POC1A: variants seen among roughly 807,000 people sequenced by gnomAD.
POC1A encodes the protein POC1 centriolar protein homolog A.
In POC1A, 34 loss-of-function variants were observed where a neutral mutation model predicts 47.8. The ratio of observed to expected loss-of-function variants is 0.71; its 90% CI spans 0.54 to 0.95. POC1A has a LOEUF of 0.95. Ranked by LOEUF, POC1A falls within the 40% of genes least tolerant of loss-of-function variation. The pLI, the probability that POC1A is intolerant of heterozygous loss-of-function variation, is 0.00. For missense variants in POC1A, 466 were observed against 528.3 expected (o/e 0.88, Z 1.16); for synonymous variants, 177 against 207.6 (o/e 0.85, Z 1.27).
chr3:52,096,758 A>G (rs1559817158), intron 9 of POC1A, 46 bp from the exon 10 acceptor site: 1 of 1,490,000 alleles, frequency 6.7e-7, no homozygotes, highest in Non-Finnish European at 8.9e-7. Context: ...CAGTGCTTGA[A>G]GAAATACTGT....
chr3:52,148,073 T>C (rs984638415), intron 4 of POC1A, among the ~76,000 whole-genome samples: 1 of 152,252 alleles, frequency 6.6e-6, no homozygotes, highest in Non-Finnish European at 1.5e-5. Context: ...TGCAGCCGAC[T>C]GCCTGCCGGC....
chr3:52,148,822 C>T (rs923488715), intron 4 of POC1A, among the ~76,000 whole-genome samples: 1 of 152,216 alleles, frequency 6.6e-6, no homozygotes, highest in Admixed American at 6.5e-5. Context: ...TCCTCATCTG[C>T]AAAATGGAAA....
chr3:52,141,326 C>G (rs181622057), intron 6 of POC1A, among the ~76,000 whole-genome samples: 1 of 152,360 alleles, frequency 6.6e-6, no homozygotes, highest in East Asian at 1.9e-4. Context: ...AGCCTGGGTG[C>G]CCAAGCAGGA....
At position 52,146,945 on chromosome 3, in the gene POC1A, T is replaced by C. The variant is rs377655408; in HGVS notation, c.563+43A>G. 8 of 1,512,226 alleles carry C rather than the reference T, an allele frequency of 5.3e-6. No individual in the cohort carries two copies. In the African/African-American group the frequency reaches 6.9e-5, roughly 13 times the overall value. The allele number at this position is 1,512,226 out of a possible 1,614,324, so 93.7% of individuals were successfully genotyped here. On this transcript the variant is annotated intron_variant, in intron 5 of 10. Transcript: ENST00000296484. ...TCCTCATGCCCAGGTCTGTGCTCTG[T>C]GCTTGAGCGCCTACAGGTGGAGGAC...
intron 7 of POC1A, among the ~76,000 whole-genome samples, chr3:52,129,384 T>C (rs1704128187): frequency 6.6e-6 from 1 of 152,258 alleles, no homozygotes; most frequent in Non-Finnish European, 1.5e-5. Flanking sequence ...GAGACTGTTC[T>C]ACCCTCATGA....
chr3:52,145,851 T>C lies in POC1A; in HGVS notation c.674A>G (p.Tyr225Cys), dbSNP rs1698344044. ...DVRTHRLLQH[Y>C]QLHSAAVNGL... ...GGAGGCTGTTCACCACTCACACTGA[T>C]AATGCTGCAGCAGCCGGTGAGTCCG... Residue 225 changes from tyrosine (Y) to cysteine (C), a missense_variant, in exon 6 of 11, where the codon TAT (tyrosine) becomes TGT (cysteine). Physicochemically the swap from Tyr to Cys is radical, Grantham distance 194. Transcript: ENST00000296484. 6.2e-7 allele frequency: 1 copy of C among 1,610,736 alleles called. No homozygotes were observed. Among genetic ancestry groups the C allele is most frequent in the Non-Finnish European group, 8.5e-7 (1 of 1,177,272 alleles).
chr3:52,135,996 G>T (rs915224875), intron 7 of POC1A, among the ~76,000 whole-genome samples: 2 of 152,120 alleles, frequency 1.3e-5, no homozygotes, highest in African/African-American at 4.8e-5. Context: ...GAGAGAATCA[G>T]CCTCTAGAAA....
At chr3:52,120,496 G>A (rs1484845597) in intron 9 of POC1A, among the ~76,000 whole-genome samples, 1 of 152,220 alleles carries the variant, frequency 6.6e-6, no homozygotes, top group African/African-American at 2.4e-5. Context: ...AAGTCACTTG[G>A]TGGGGGTCTC....
rs1339271482 is a variant in POC1A at position 52,125,044 on chromosome 3, GT to G, written c.882+68del. ...ACCCAGCCCATCCCCCAAACACCCT[GT>G]TTGGTTCTGAGCAGAAATCAGCTCA... On this transcript the variant is annotated intron_variant, in intron 8 of 10. Transcript: ENST00000296484. The G allele has an allele frequency of 5.1e-5, 65 of 1,272,596 alleles. 1 individual carries two copies. In the South Asian group the frequency reaches 7.3e-4, roughly 14 times the overall value. The allele number at this position is 1,272,596 out of a possible 1,614,324, so 78.8% of individuals were successfully genotyped here. A position where few individuals can be genotyped will look rare whatever the true frequency, so the allele number is the denominator to read the frequency against.
intron 6 of POC1A, among the ~76,000 whole-genome samples, chr3:52,138,779 C>G (rs1698079617): frequency 6.6e-6 from 1 of 152,196 alleles, no homozygotes; most frequent in South Asian, 2.1e-4. Flanking sequence ...AGCTAAGACA[C>G]TCTTAGGAAG....
At position 52,125,175 on chromosome 3, in the gene POC1A, C is replaced by G; in HGVS notation, c.820G>C (p.Ala274Pro). The change falls in exon 8 of 11, where the codon GCC becomes CCC. Residue 274 changes from alanine (A) to proline (P), a missense_variant. Transcript: ENST00000296484. Reference protein sequence around the residue: ...LYTLHGHQGPATTVAFSRTGE... With the variant: ...LYTLHGHQGPPTTVAFSRTGE... ...GTTCTTGAAAAGGCAACAGTGGTGG[C>G]TGGTCCCTGGCAGAACAAACAAAAA... The G allele has an allele frequency of 3.7e-6, 6 of 1,613,640 alleles. No individual in the cohort carries two copies. Among genetic ancestry groups the G allele is most frequent in the Non-Finnish European group, 5.1e-6 (6 of 1,179,572 alleles).
chr3:52,146,249 C>A (rs1698360744), intron 5 of POC1A, among the ~76,000 whole-genome samples: 1 of 152,250 alleles, frequency 6.6e-6, no homozygotes, highest in African/African-American at 2.4e-5. Flanking sequence ...CAAAAGTTAG[C>A]CAGGCTCCCC....
chr3:52,124,427 G>A lies in POC1A; in HGVS notation c.882+686C>T, dbSNP rs1412663141. ...CCAGGGCTGACAGGCTGAAGCCTCA[G>A]AGCAGAGGGTGACAAGGTGGGATAG... On this transcript the variant is annotated intron_variant, in intron 8 of 10. Coordinates refer to ENST00000296484, the MANE Select transcript of POC1A (RefSeq NM_015426.5). 3.9e-5 allele frequency among the ~76,000 whole-genome samples: 6 copies of A among 152,198 alleles called. 1 individual carries two copies. Among genetic ancestry groups the A allele is most frequent in the Admixed American group, 1.3e-4 (2 of 15,286 alleles).
intron 9 of POC1A, among the ~76,000 whole-genome samples, chr3:52,116,802 A>T (rs1283351761): frequency 6.6e-6 from 1 of 152,098 alleles, no homozygotes; most frequent in Non-Finnish European, 1.5e-5. Context: ...TATAATCCCA[A>T]TGCTTTGGGA....
At chr3:52,138,422 T>C in intron 6 of POC1A, 120 bp from the exon 7 acceptor site, 1 of 1,010,854 alleles carries the variant, frequency 9.9e-7, no homozygotes, top group Non-Finnish European at 1.5e-6. Context: ...TGGGTCAGGA[T>C]GGTCATTGCT....
At chr3:52,150,552 G>A (rs933864616) in intron 2 of POC1A, among the ~76,000 whole-genome samples, 3 of 152,156 alleles carry the variant, frequency 2.0e-5, no homozygotes, top group Admixed American at 6.6e-5. Flanking sequence ...AAGGAAGGGG[G>A]ACAGTCAGCT....
chr3:52,114,327 C>T (rs1366884213), intron 9 of POC1A, among the ~76,000 whole-genome samples: 3 of 152,172 alleles, frequency 2.0e-5, no homozygotes, highest in South Asian at 2.1e-4. Flanking sequence ...CCATGTAAAC[C>T]GGAGACGCCC....
chr3:52,129,578 G>A (rs924046778), intron 7 of POC1A, among the ~76,000 whole-genome samples: 2 of 152,300 alleles, frequency 1.3e-5, no homozygotes, highest in South Asian at 2.1e-4. Context: ...ATGCCGGCCT[G>A]CCCCCAGCTA....
At chr3:52,112,973 A>G (rs1489419011) in intron 9 of POC1A, among the ~76,000 whole-genome samples, 1 of 152,150 alleles carries the variant, frequency 6.6e-6, no homozygotes, top group Non-Finnish European at 1.5e-5. Context: ...ATTAAATCGG[A>G]TACTCTGGAT....
Sources: gnomAD v4.1 joint callset for allele counts (sites outside exome capture counted in the v4.1 genomes callset) on GRCh38, gnomAD v4.1.1 for gene constraint, MANE v1.5 for transcripts, NCBI Gene and HGNC (gene_info 2026-07-23, HGNC 2026-07-21) for gene names.